The following UBE2W variants were observed in gnomAD, a reference collection of about 807,000 sequenced individuals.
UBE2W encodes the protein ubiquitin-conjugating enzyme E2 W.
A neutral mutation model predicts 27.2 loss-of-function variants in UBE2W; 18 were observed. The ratio of observed to expected loss-of-function variants is 0.66; its 90% CI spans 0.46 to 0.98. The LOEUF is 0.98. Among genes scored for constraint, UBE2W ranks in the 50% least tolerant of loss-of-function variants. The pLI is 0.00. For missense variants in UBE2W, 90 were observed against 180.2 expected, an observed-to-expected ratio of 0.50 and a Z score of 2.87; for synonymous variants, 53 against 57.2, an observed-to-expected ratio of 0.93 and a Z score of 0.33.
At chr8:73,864,230 C>A (rs1811649580) in intron 1 of UBE2W, among the ~76,000 whole-genome samples, 1 of 152,122 alleles carries the variant, frequency 6.6e-6, no homozygotes, top group Non-Finnish European at 1.5e-5. Flanking sequence ...CTCGTCTCTA[C>A]TAAAAATACA....
chr8:73,868,144 GAACC>G (rs1811856458), intron 1 of UBE2W, among the ~76,000 whole-genome samples: 2 of 152,194 alleles, frequency 1.3e-5, no homozygotes, highest in African/African-American at 4.8e-5. Context: ...GCAGCCAAAG[GAACC>G]AACCATGTGA....
intron 5 of UBE2W, among the ~76,000 whole-genome samples, chr8:73,796,213 A>T (rs1028062350): frequency 6.6e-5 from 10 of 152,164 alleles, no homozygotes; most frequent in African/African-American, 2.4e-4. Context: ...GAGTAACAAT[A>T]GGGTTGGTCG....
chr8:73,784,812 C>T (rs1459676364), downstream of UBE2W, among the ~76,000 whole-genome samples: 2 of 152,132 alleles, frequency 1.3e-5, no homozygotes, highest in Non-Finnish European at 2.9e-5. Context: ...TTGTTTTAGG[C>T]ATATCCTGGG....
At chr8:73,806,482 G>A (rs1192768769) in intron 4 of UBE2W, among the ~76,000 whole-genome samples, 1 of 149,982 alleles carries the variant, frequency 6.7e-6, no homozygotes, top group Non-Finnish European at 1.5e-5. Flanking sequence ...GGTGGATCAC[G>A]AGGCCAGGAG....
intron 1 of UBE2W, among the ~76,000 whole-genome samples, chr8:73,871,854 T>C (rs1443726924): frequency 6.6e-6 from 1 of 152,196 alleles, no homozygotes; most frequent in Non-Finnish European, 1.5e-5. Context: ...GGTCTCACTC[T>C]GTCACCCACG....
At chr8:73,856,526 G>A (rs188440964) in intron 1 of UBE2W, among the ~76,000 whole-genome samples, 6 of 151,292 alleles carry the variant, frequency 4.0e-5, no homozygotes, top group Non-Finnish European at 7.4e-5. Flanking sequence ...CACCAGGCCT[G>A]ACTAATTTTT....
intron 2 of UBE2W, 29 bp downstream of exon 2, chr8:73,830,352 A>G (rs1432801469): frequency 1.3e-6 from 2 of 1,503,498 alleles, no homozygotes; most frequent in South Asian, 2.3e-5. Flanking sequence ...GTAATAAAAC[A>G]AAGAGCCCTT....
At chr8:73,822,613 A>T (rs1287198735) in intron 3 of UBE2W, among the ~76,000 whole-genome samples, 5 of 140,242 alleles carry the variant, frequency 3.6e-5, no homozygotes, top group African/African-American at 5.6e-5. Context: ...AAAAAAAAAA[A>T]AAAAAAAAAA....
In UBE2W at chr8:73,791,169, CT is replaced by C. The variant is rs1426264196; in HGVS notation, c.*2932del. The C allele has an allele frequency of 2.0e-5, 20 of 982,080 alleles. No homozygotes were observed. The highest frequency in any genetic ancestry group is 2.4e-5 in the Non-Finnish European group (20 of 827,836). The allele number at this position is 982,080 out of a possible 1,614,324, so 60.8% of individuals were successfully genotyped here. On this transcript the variant is annotated 3_prime_UTR_variant, in exon 6 of 6. Transcript: ENST00000602593. ...GTCCTTCAGAAGTGAATATTAATTC[CT>C]TAAGAGAACCATAAAATGTATTTTT...
intron 1 of UBE2W, among the ~76,000 whole-genome samples, chr8:73,845,098 G>A (rs1189292476): frequency 1.4e-5 from 2 of 146,270 alleles, no homozygotes; most frequent in Admixed American, 1.4e-4. Context: ...GAGGTGGGGG[G>A]CAGCCCCCGC....
intron 1 of UBE2W, among the ~76,000 whole-genome samples, chr8:73,869,373 A>G (rs1302160602): frequency 6.6e-6 from 1 of 152,152 alleles, no homozygotes; most frequent in African/African-American, 2.4e-5. Context: ...CCTGGCCAAC[A>G]TGGTTAAACC....
chr8:73,832,152 T>TATATATATATATATATATA (rs1563601356), intron 1 of UBE2W, among the ~76,000 whole-genome samples: 8 of 150,822 alleles, frequency 5.3e-5, no homozygotes, highest in African/African-American at 2.0e-4. Flanking sequence ...TATATATATA[T>TATATATATATATATATATA]TAGCCAGGTG....
At chr8:73,865,593 G>A (rs553183908) in intron 1 of UBE2W, among the ~76,000 whole-genome samples, 2 of 152,308 alleles carry the variant, frequency 1.3e-5, no homozygotes, top group South Asian at 4.1e-4. Context: ...TAGCCTGGGT[G>A]AGAGTGAAAC....
intron 5 of UBE2W, among the ~76,000 whole-genome samples, chr8:73,801,843 C>A (rs1808659151): frequency 6.6e-6 from 1 of 152,158 alleles, no homozygotes; most frequent in Admixed American, 6.5e-5. Context: ...AGAAGACTAG[C>A]TACATCAGAA....
At chr8:73,877,021 T>C (rs1812260703) in intron 1 of UBE2W, among the ~76,000 whole-genome samples, 1 of 152,212 alleles carries the variant, frequency 6.6e-6, no homozygotes, top group Non-Finnish European at 1.5e-5. Context: ...CCAACCTCTC[T>C]CTTACAAACA....
At chr8:73,827,258 G>A (rs1809880830) in intron 2 of UBE2W, among the ~76,000 whole-genome samples, 1 of 152,060 alleles carries the variant, frequency 6.6e-6, no homozygotes, top group Admixed American at 6.5e-5. Flanking sequence ...TTGTTGCCCA[G>A]GCTGGAGTGC....
intron 1 of UBE2W, among the ~76,000 whole-genome samples, chr8:73,859,162 G>A (rs975917758): frequency 1.3e-5 from 2 of 152,148 alleles, no homozygotes; most frequent in Admixed American, 1.3e-4. Flanking sequence ...TCCTGAGACA[G>A]CAAGACCAAA....
intron 1 of UBE2W, among the ~76,000 whole-genome samples, chr8:73,850,029 T>C (rs192411416): frequency 1.4e-4 from 22 of 152,270 alleles, no homozygotes; most frequent in Non-Finnish European, 2.4e-4. Context: ...TCTATCTTCA[T>C]AGAAGATTTT....
chr8:73,796,550 T>C (rs1224101046), intron 5 of UBE2W: 1 of 715,448 alleles, frequency 1.4e-6, no homozygotes, highest in Non-Finnish European at 1.7e-6. Flanking sequence ...AGGAAATCTT[T>C]GTGAAGCTAC....
Sources: allele counts gnomAD v4.1 joint callset (sites outside exome capture counted in the v4.1 genomes callset), GRCh38; gene constraint gnomAD v4.1.1; transcripts MANE v1.5; gene names NCBI Gene and HGNC (gene_info 2026-07-23, HGNC 2026-07-21).